ADAM28: variants seen among roughly 807,000 people sequenced by gnomAD.
ADAM28 encodes ADAM metallopeptidase domain 28.
Under a neutral mutation model 101.2 loss-of-function variants are expected in ADAM28, and 105 were observed. The ratio of observed to expected loss-of-function variants is 1.04; its 90% CI spans 0.89 to 1.22. The LOEUF (loss-of-function observed/expected upper bound fraction) is 1.22, where lower values mean the gene tolerates loss of function less well. Ranked by LOEUF, ADAM28 falls within the 50% of genes most tolerant of loss-of-function variation. The probability of loss-of-function intolerance (pLI) is 0.00; values close to 1 mark genes in which losing one functional copy is unlikely to be tolerated. For missense variants in ADAM28, 1,028 were observed against 945.4 expected, an observed-to-expected ratio of 1.09 and a Z score of -1.15; for synonymous variants, 322 against 310.6, an observed-to-expected ratio of 1.04 and a Z score of -0.39.
intron 14 of ADAM28, among the ~76,000 whole-genome samples, chr8:24,337,391 T>C (rs1434736446): frequency 1.3e-5 from 2 of 152,248 alleles, no homozygotes; most frequent in African/African-American, 4.8e-5. Flanking sequence ...GTAGTAAATA[T>C]TAACTGCAAA....
intron 17 of ADAM28, 107 bp downstream of exon 17, chr8:24,343,288 C>A: frequency 7.3e-7 from 1 of 1,368,454 alleles, no homozygotes; most frequent in Non-Finnish European, 1.0e-6. Context: ...ATGATAATTA[C>A]TAAGTTTATC....
chr8:24,312,092 G>A (rs1810538947), intron 5 of ADAM28, among the ~76,000 whole-genome samples: 1 of 152,064 alleles, frequency 6.6e-6, no homozygotes, highest in South Asian at 2.1e-4. Context: ...CCTTATCCAT[G>A]ACTATGACAT....
At chr8:24,339,324 T>G (rs912260719) in intron 14 of ADAM28, 142 bp from the exon 15 acceptor site, 1 of 644,670 alleles carries the variant, frequency 1.6e-6, no homozygotes, top group Non-Finnish European at 2.7e-6. Context: ...AATGGAATTA[T>G]GCTAAAATAG....
At chr8:24,300,572 C>T (rs899253542) in intron 2 of ADAM28, among the ~76,000 whole-genome samples, 25 of 152,080 alleles carry the variant, frequency 1.6e-4, no homozygotes, top group South Asian at 2.1e-4. Flanking sequence ...CCCGCCACCA[C>T]GCTCGGCTAA....
Position 24,356,810 on chromosome 8 carries a change from C to G in ADAM28, c.*2406C>G, listed in dbSNP as rs1418283701. 1 of 152,086 alleles carries G rather than the reference C, an allele frequency of 6.6e-6. No individual in the cohort carries two copies. Among genetic ancestry groups the G allele is most frequent in the Non-Finnish European group, 1.5e-5 (1 of 68,016 alleles). 9.4% of individuals were successfully genotyped at this position (152,086 alleles called of 1,614,324 possible). ...TAAATTATGTTTTTATCCAGTTACT[C>G]TAAGATACCTTAGTGTTTGTCTACT... On this transcript the variant is annotated 3_prime_UTR_variant, in exon 23 of 23. Transcript: ENST00000265769.
chr8:24,337,672 G>T (rs1241243864), intron 14 of ADAM28, among the ~76,000 whole-genome samples: 1 of 152,110 alleles, frequency 6.6e-6, no homozygotes, highest in Admixed American at 6.5e-5. Flanking sequence ...AAAACAATTT[G>T]CCTAAACAAA....
chr8:24,341,498 G>T, intron 15 of ADAM28, 100 bp from the exon 16 acceptor site: 1 of 1,255,126 alleles, frequency 8.0e-7, no homozygotes, highest in South Asian at 1.4e-5. Context: ...AAGAGTCTCG[G>T]CTACAGGGAA....
At position 24,326,664 on chromosome 8, in the gene ADAM28, A is replaced by C. The variant is rs529245828; in HGVS notation, c.972+29A>C. The C allele has an allele frequency of 6.4e-4, 1,010 of 1,581,140 alleles. 15 individuals are homozygous for C. In the South Asian group the frequency reaches 0.011, roughly 17 times the overall value. ...TGTATGATGATAAACTGTTGGTTCT[A>C]TGATTTACATTTATCAAATGCTTTT... On this transcript the variant is annotated intron_variant, in intron 10 of 22. Coordinates refer to ENST00000265769, the MANE Select transcript of ADAM28 (RefSeq NM_014265.6).
chr8:24,308,961 C>G (rs1810065824), intron 2 of ADAM28, among the ~76,000 whole-genome samples: 1 of 152,128 alleles, frequency 6.6e-6, no homozygotes, highest in Admixed American at 6.5e-5. Flanking sequence ...ATATGTGTTT[C>G]TCAACAACCT....
chr8:24,326,229 C>A (rs1388696491), intron 9 of ADAM28, among the ~76,000 whole-genome samples: 1 of 151,866 alleles, frequency 6.6e-6, no homozygotes, highest in Non-Finnish European at 1.5e-5. Context: ...AATATCAAAA[C>A]AAGATACATG....
chr8:24,312,443 G>T (rs922944094), intron 5 of ADAM28, among the ~76,000 whole-genome samples: 1 of 151,894 alleles, frequency 6.6e-6, no homozygotes, highest in African/African-American at 2.4e-5. Flanking sequence ...AACACTTTCT[G>T]AAATTGTTCA....
intron 13 of ADAM28, among the ~76,000 whole-genome samples, chr8:24,333,711 G>A (rs1813663140): frequency 6.6e-6 from 1 of 151,948 alleles, no homozygotes; most frequent in African/African-American, 2.4e-5. Context: ...GAGTAGTGTG[G>A]GGGTATCCCC....
chr8:24,327,154 A>C (rs187566612), intron 10 of ADAM28, among the ~76,000 whole-genome samples: 2,108 of 152,146 alleles, frequency 0.014, 43 homozygotes, highest in African/African-American at 0.048. Context: ...ACCCCATCGT[A>C]TCAGCCAAAA....
At chr8:24,313,335 G>T (rs1358060272) in intron 5 of ADAM28, 53 bp from the exon 6 acceptor site, 1 of 1,507,788 alleles carries the variant, frequency 6.6e-7, no homozygotes, top group East Asian at 2.3e-5. Flanking sequence ...AAATCTGTAT[G>T]AACCTAATGC....
At chr8:24,316,851 C>T (rs11987486) in intron 6 of ADAM28, among the ~76,000 whole-genome samples, 25,077 of 151,902 alleles carry the variant, frequency 0.17, 2,164 homozygotes, top group East Asian at 0.34. Context: ...TTAACACTAA[C>T]AAATAAGTTC....
intron 21 of ADAM28, among the ~76,000 whole-genome samples, chr8:24,352,426 C>T (rs1004014621): frequency 6.6e-5 from 10 of 152,140 alleles, no homozygotes; most frequent in Admixed American, 2.6e-4. Flanking sequence ...TCTGGTGAAG[C>T]GGCCTTCTGG....
At chr8:24,302,741 G>A (rs1456752025) in intron 2 of ADAM28, among the ~76,000 whole-genome samples, 4 of 152,114 alleles carry the variant, frequency 2.6e-5, no homozygotes. Flanking sequence ...GTCTTCTTTT[G>A]AGAAGTGTCT....
chr8:24,311,011 A>G (rs1018475914), intron 4 of ADAM28, among the ~76,000 whole-genome samples: 5 of 152,192 alleles, frequency 3.3e-5, no homozygotes, highest in Admixed American at 1.3e-4. Context: ...TGCTAGAAAG[A>G]AGTTAATGAG....
chr8:24,340,238 T>C (rs1481553673), intron 15 of ADAM28, among the ~76,000 whole-genome samples: 1 of 152,146 alleles, frequency 6.6e-6, no homozygotes, highest in Non-Finnish European at 1.5e-5. Flanking sequence ...CCAAATAATA[T>C]ATAACAAGAG....
Sources: gnomAD v4.1 joint callset for allele counts (sites outside exome capture counted in the v4.1 genomes callset) on GRCh38, gnomAD v4.1.1 for gene constraint, MANE v1.5 for transcripts, NCBI Gene and HGNC (gene_info 2026-07-23, HGNC 2026-07-21) for gene names.